EML5: variants seen among roughly 807,000 people sequenced by gnomAD.
EML5 encodes the protein echinoderm microtubule-associated protein-like 5.
A neutral mutation model predicts 250.0 loss-of-function variants in EML5; 120 were observed. That is an observed-to-expected ratio of 0.48 (90% CI 0.41 to 0.56). EML5 has a LOEUF of 0.56. EML5 is among the 20% of genes least tolerant of loss of function. EML5 has a pLI of 0.00. For synonymous variants in EML5, 771 were observed against 806.5 expected (o/e 0.96, Z 0.75); for missense variants, 2,006 against 2,437.6 (o/e 0.82, Z 3.73).
At chr14:88,728,877 C>A (rs1015321597) in intron 7 of EML5, among the ~76,000 whole-genome samples, 5 of 152,000 alleles carry the variant, frequency 3.3e-5, no homozygotes, top group African/African-American at 1.2e-4. Flanking sequence ...ACAAAGGCTA[C>A]AATTTAATAA....
Position 88,644,463 on chromosome 14 carries a change from G to A in EML5, c.4077C>T (p.Asn1359=), listed in dbSNP as rs1233284339. Residue 1359 remains asparagine (N), a synonymous_variant, in exon 30 of 44, where the codon AAC becomes AAT. Transcript: ENST00000554922. ...TAGGTCTCTTTTTCTTGCCTACATT[G>A]TTTGTCTGGAGTTTCTCTGGCTGTG... ...APPQPEKLQT[N]NVGKKKRPIE... is the part of the protein sequence containing the mutation. 3 of 1,613,600 alleles carry A rather than the reference G, an allele frequency of 1.9e-6. No homozygotes were observed. The African/African-American group carries it at 4.0e-5, about 22-fold the overall frequency.
chr14:88,634,745 A>G (rs997315500), intron 32 of EML5, among the ~76,000 whole-genome samples: 1 of 152,134 alleles, frequency 6.6e-6, no homozygotes, highest in African/African-American at 2.4e-5. Flanking sequence ...TTTAATTATA[A>G]TAACTTTTAA....
chr14:88,739,538 TAAAAA>T (rs1237297337), intron 5 of EML5, among the ~76,000 whole-genome samples: 1 of 152,110 alleles, frequency 6.6e-6, no homozygotes, highest in Non-Finnish European at 1.5e-5. Flanking sequence ...TACATGAACT[TAAAAA>T]ATAACTATTT....
At chr14:88,754,428 A>G (rs933678911) in intron 2 of EML5, 84 bp downstream of exon 2, 1 of 1,249,474 alleles carries the variant, frequency 8.0e-7, no homozygotes, top group Non-Finnish European at 1.0e-6. Context: ...TCAAGTGTCC[A>G]ATTTAATATT....
chr14:88,740,591 A>C lies in EML5; in HGVS notation c.526-19T>G, dbSNP rs778006424. 1.3e-6 allele frequency: 2 copies of C among 1,525,466 alleles called. No homozygotes were observed. Among genetic ancestry groups the C allele is most frequent in the African/African-American group, 1.4e-5 (1 of 72,212 alleles). The allele number at this position is 1,525,466 out of a possible 1,614,324, so 94.5% of individuals were successfully genotyped here. A position where few individuals can be genotyped will look rare whatever the true frequency, so the allele number is the denominator to read the frequency against. On this transcript the variant is annotated intron_variant, in intron 4 of 43. Coordinates refer to ENST00000554922, the MANE Select transcript of EML5 (RefSeq NM_183387.3). The stretch of plus-strand genomic sequence containing the variant: ...TCCAGAACTAAAAGGTATATAGTAT[A>C]ATCAAATTACCAAAGAATTCTTATA...
chr14:88,639,220 G>A (rs577081287), intron 31 of EML5, among the ~76,000 whole-genome samples: 1 of 152,318 alleles, frequency 6.6e-6, no homozygotes, highest in South Asian at 2.1e-4. Flanking sequence ...GGTACTCCTG[G>A]ACTGACCCAG....
intron 24 of EML5, 138 bp from the exon 25 acceptor site, chr14:88,661,968 T>A: frequency 1.2e-6 from 1 of 830,690 alleles, no homozygotes; most frequent in Non-Finnish European, 1.8e-6. Context: ...GTTAAATTAT[T>A]AGTTGTCTTG....
chr14:88,753,771 A>C (rs574086844), intron 2 of EML5, among the ~76,000 whole-genome samples: 26 of 152,332 alleles, frequency 1.7e-4, no homozygotes, highest in South Asian at 1.7e-3. Context: ...TATAAAAAAT[A>C]ACTCATAGGA....
intron 7 of EML5, among the ~76,000 whole-genome samples, chr14:88,732,305 C>A (rs1478290723): frequency 2.0e-5 from 3 of 152,130 alleles, no homozygotes; most frequent in Non-Finnish European, 4.4e-5. Context: ...TTTCCCAGCA[C>A]CATTTATTAA....
At chr14:88,784,980 G>C (rs1208631986) in intron 1 of EML5, among the ~76,000 whole-genome samples, 3 of 152,108 alleles carry the variant, frequency 2.0e-5, no homozygotes, top group Non-Finnish European at 4.4e-5. Context: ...AGAAAACGTG[G>C]TATATATACA....
intron 8 of EML5, among the ~76,000 whole-genome samples, chr14:88,723,084 T>C (rs879192233): frequency 1.3e-5 from 2 of 151,958 alleles, no homozygotes; most frequent in South Asian, 4.1e-4. Flanking sequence ...AATGTACACA[T>C]GAATAAAAAA....
At chr14:88,619,651 G>A (rs953611042) in intron 39 of EML5, 1 of 152,162 alleles carries the variant, frequency 6.6e-6, no homozygotes, top group African/African-American at 2.4e-5. Flanking sequence ...CAGTTATTAA[G>A]GTGAAATGAC....
chr14:88,706,507 C>T, intron 10 of EML5, 81 bp from the exon 11 acceptor site: 1 of 1,009,066 alleles, frequency 9.9e-7, no homozygotes, highest in South Asian at 2.5e-5. Flanking sequence ...ATATGAACCA[C>T]TGTATCATCC....
chr14:88,718,648 G>T (rs532135735), intron 8 of EML5, among the ~76,000 whole-genome samples: 1 of 152,228 alleles, frequency 6.6e-6, no homozygotes, highest in South Asian at 2.1e-4. Context: ...GAAAGCAGAA[G>T]GCATATAGGA....
chr14:88,666,880 A>G (rs1379899705), intron 21 of EML5, among the ~76,000 whole-genome samples: 1 of 152,196 alleles, frequency 6.6e-6, no homozygotes, highest in Non-Finnish European at 1.5e-5. Context: ...ATTATCAAGC[A>G]TACATTGGAA....
chr14:88,720,240 A>G (rs1409581810), intron 8 of EML5, among the ~76,000 whole-genome samples: 1 of 152,202 alleles, frequency 6.6e-6, no homozygotes, highest in Non-Finnish European at 1.5e-5. Flanking sequence ...TTCTTCTGAA[A>G]TAGCCCAACA....
At chr14:88,772,568 C>T (rs1421254410) in intron 1 of EML5, among the ~76,000 whole-genome samples, 3 of 152,128 alleles carry the variant, frequency 2.0e-5, no homozygotes, top group Non-Finnish European at 2.9e-5. Flanking sequence ...GACTGGCCAA[C>T]GTGGTGAAAC....
rs916758486 is a variant in EML5 at position 88,615,268 on chromosome 14, ACAT to A, written c.*547_*549del. The A allele has an allele frequency of 9.8e-5, 15 of 152,350 alleles. No homozygotes were observed. The highest frequency in any genetic ancestry group is 3.6e-4 in the African/African-American group (15 of 41,586). 9.4% of individuals were successfully genotyped at this position (152,350 alleles called of 1,614,324 possible). A position where few individuals can be genotyped will look rare whatever the true frequency, so the allele number is the denominator to read the frequency against. ...AAAGGACCTTATTAATGCCTAAAAA[ACAT>A]CATATTCTCTAGGAAAGCTTGTGTC... is the stretch of plus-strand genomic sequence containing the variant. On this transcript the variant is annotated 3_prime_UTR_variant, in exon 44 of 44. Coordinates refer to ENST00000554922, the MANE Select transcript of EML5 (RefSeq NM_183387.3).
chr14:88,768,665 G>A (rs913523684), intron 1 of EML5, among the ~76,000 whole-genome samples: 3 of 152,160 alleles, frequency 2.0e-5, no homozygotes, highest in Admixed American at 6.5e-5. Flanking sequence ...ACCCGCCTGG[G>A]CCTCCCAAAG....
Sources: gnomAD v4.1 joint callset for allele counts (sites outside exome capture counted in the v4.1 genomes callset) on GRCh38, gnomAD v4.1.1 for gene constraint, MANE v1.5 for transcripts, NCBI Gene and HGNC (gene_info 2026-07-23, HGNC 2026-07-21) for gene names.